The following AGMO variants were observed in gnomAD, a reference collection of about 807,000 sequenced individuals.
AGMO encodes alkylglycerol monooxygenase, also known as glyceryl-ether monooxygenase.
Under a neutral mutation model 60.2 loss-of-function variants are expected in AGMO, and 75 were observed. The ratio of observed to expected loss-of-function variants is 1.25; its 90% CI spans 1.03 to 1.51. The LOEUF (loss-of-function observed/expected upper bound fraction) is 1.51, where lower values mean the gene tolerates loss of function less well. AGMO is among the 40% of genes most tolerant of loss of function. The pLI is 0.00. For synonymous variants in AGMO, 261 were observed against 177.1 expected (o/e 1.47, Z -3.76); for missense variants, 763 against 525.5 (o/e 1.45, Z -4.42).
At chr7:15,279,388 G>C (rs1262366112) in intron 12 of AGMO, among the ~76,000 whole-genome samples, 1 of 152,098 alleles carries the variant, frequency 6.6e-6, no homozygotes, top group East Asian at 1.9e-4. Flanking sequence ...ACATTTACTT[G>C]CTATTTTGAT....
intron 3 of AGMO, among the ~76,000 whole-genome samples, chr7:15,539,214 A>G (rs1784556693): frequency 6.6e-6 from 1 of 151,868 alleles, no homozygotes; most frequent in South Asian, 2.1e-4. Context: ...GTGTCATGAG[A>G]TTTGGTGTAC....
At chr7:15,367,915 G>A (rs554367007) in intron 10 of AGMO, among the ~76,000 whole-genome samples, 25 of 152,158 alleles carry the variant, frequency 1.6e-4, no homozygotes, top group African/African-American at 5.8e-4. Context: ...AACTGCATCT[G>A]TCCAAAGTTA....
rs930899481 is a variant in AGMO at position 15,259,203 on chromosome 7, A to C, written c.1264-57844T>G. ...AATTCTTCAGTGAAATAGATAGCATAAATAAAACTCAATCACAATTTCTGG... is the reference window on the plus strand; with the variant it reads ...AATTCTTCAGTGAAATAGATAGCATCAATAAAACTCAATCACAATTTCTGG... On this transcript the variant is annotated intron_variant, in intron 12 of 12. Coordinates refer to ENST00000342526, the MANE Select transcript of AGMO (RefSeq NM_001004320.2). Among the ~76,000 whole-genome samples the C allele has an allele frequency of 2.6e-5, 4 of 152,080 alleles. No individual in the cohort carries two copies. The South Asian group carries it at 8.3e-4, about 31-fold the overall frequency.
chr7:15,494,513 T>C (rs1783169416), intron 3 of AGMO, among the ~76,000 whole-genome samples: 1 of 152,200 alleles, frequency 6.6e-6, no homozygotes, highest in African/African-American at 2.4e-5. Flanking sequence ...CTAAAATAGC[T>C]GGAGTGAACA....
At chr7:15,162,960 T>C in the AGMO span, among the ~76,000 whole-genome samples, 4 of 152,138 alleles carry the variant, frequency 2.6e-5, no homozygotes, top group South Asian at 2.1e-4. Flanking sequence ...CCATGGGATG[T>C]TTTCCCATTT....
chr7:15,428,724 A>G (rs1342923271), intron 4 of AGMO, among the ~76,000 whole-genome samples: 3 of 152,122 alleles, frequency 2.0e-5, no homozygotes, highest in East Asian at 3.9e-4. Context: ...TGCTCTGATA[A>G]TTTTTCCCTT....
intron 3 of AGMO, among the ~76,000 whole-genome samples, chr7:15,482,446 G>C (rs1351956379): frequency 6.6e-6 from 1 of 151,894 alleles, no homozygotes; most frequent in African/African-American, 2.4e-5. Flanking sequence ...ATATCAAAAA[G>C]GAAATAATAA....
At chr7:15,354,722 A>C (rs945385353) in intron 12 of AGMO, among the ~76,000 whole-genome samples, 1 of 150,588 alleles carries the variant, frequency 6.6e-6, no homozygotes, top group African/African-American at 2.4e-5. Flanking sequence ...AGAAGAAGAA[A>C]TGCAAAGCTT....
At chr7:15,150,787 G>A in the AGMO span, among the ~76,000 whole-genome samples, 1 of 152,060 alleles carries the variant, frequency 6.6e-6, no homozygotes, top group Non-Finnish European at 1.5e-5. Context: ...TCTCTGCCAG[G>A]TTTTGTTAGT....
intron 12 of AGMO, among the ~76,000 whole-genome samples, chr7:15,317,002 C>A (rs183683063): frequency 6.6e-6 from 1 of 152,272 alleles, no homozygotes; most frequent in Non-Finnish European, 1.5e-5. Context: ...AAAGGAAATG[C>A]ATCAAGCATA....
At position 15,538,920 on chromosome 7, in the gene AGMO, T is replaced by C. The variant is rs187071334; in HGVS notation, c.409+5852A>G. Among the ~76,000 whole-genome samples the C allele has an allele frequency of 2.6e-3, 393 of 152,186 alleles. 2 individuals are homozygous for C. Among genetic ancestry groups the C allele is most frequent in the African/African-American group, 9.0e-3 (373 of 41,534 alleles). ...TTGTTTACATACAGAATGAGAGGAA[T>C]TTTAAAATGAATTAAGCAATGTGTT... On this transcript the variant is annotated intron_variant, in intron 3 of 12. Coordinates refer to ENST00000342526, the MANE Select transcript of AGMO (RefSeq NM_001004320.2).
intron 2 of AGMO, among the ~76,000 whole-genome samples, chr7:15,559,752 A>C (rs1384351012): frequency 6.6e-6 from 1 of 152,048 alleles, no homozygotes. Flanking sequence ...TTAGCAAACT[A>C]TTGTAGTTAT....
intron 3 of AGMO, among the ~76,000 whole-genome samples, chr7:15,455,949 G>C (rs1781989576): frequency 6.6e-6 from 1 of 151,960 alleles, no homozygotes; most frequent in Admixed American, 6.6e-5. Flanking sequence ...CCTTCCCTGA[G>C]GTCTCAGAAA....
chr7:15,221,382 C>T lies in AGMO; in HGVS notation c.1264-20023G>A, dbSNP rs543690521. Among the ~76,000 whole-genome samples the T allele has an allele frequency of 2.0e-5, 3 of 152,134 alleles. No individual in the cohort carries two copies. The East Asian group carries it at 5.8e-4, about 29-fold the overall frequency. Reference sequence around the variant, plus strand: ...TGCCTTTTGTGAAATAACAACTTTACCTACATCATAATCACAGAAAGAGAG... The same window carrying T: ...TGCCTTTTGTGAAATAACAACTTTATCTACATCATAATCACAGAAAGAGAG... On this transcript the variant is annotated intron_variant, in intron 12 of 12. Transcript: ENST00000342526.
intron 12 of AGMO, among the ~76,000 whole-genome samples, chr7:15,290,997 G>GTGTGCAAT (rs1784248798): frequency 2.6e-5 from 4 of 151,880 alleles, no homozygotes; most frequent in South Asian, 4.2e-4. Context: ...CCGTTTTTTC[G>GTGTGCAAT]AAAGTGCATT....
intron 12 of AGMO, among the ~76,000 whole-genome samples, chr7:15,331,655 G>A (rs983167568): frequency 1.3e-5 from 2 of 152,046 alleles, no homozygotes; most frequent in East Asian, 1.9e-4. Flanking sequence ...GACCAGGCGC[G>A]GTGGCTCACA....
chr7:15,390,965 T>G (rs1415289211), intron 6 of AGMO, 60 bp from the exon 7 acceptor site: 2 of 1,012,356 alleles, frequency 2.0e-6, no homozygotes, highest in African/African-American at 4.3e-5. Flanking sequence ...TTTGAGATAC[T>G]TCCATCTTGT....
intron 12 of AGMO, among the ~76,000 whole-genome samples, chr7:15,305,947 T>A (rs958613495): frequency 3.3e-5 from 5 of 151,994 alleles, no homozygotes; most frequent in Non-Finnish European, 5.9e-5. Flanking sequence ...AACAAAATTT[T>A]AAAGCAACCA....
At chr7:15,535,159 A>G (rs1359563433) in intron 3 of AGMO, among the ~76,000 whole-genome samples, 1 of 151,928 alleles carries the variant, frequency 6.6e-6, no homozygotes. Flanking sequence ...GTTTGGTTCC[A>G]GAGTCTATTA....
Sources: allele counts gnomAD v4.1 joint callset (sites outside exome capture counted in the v4.1 genomes callset), GRCh38; gene constraint gnomAD v4.1.1; transcripts MANE v1.5; gene names NCBI Gene and HGNC (gene_info 2026-07-23, HGNC 2026-07-21).